The following PTPRG variants were observed in gnomAD, a reference collection of about 807,000 sequenced individuals.
PTPRG encodes receptor-type tyrosine-protein phosphatase gamma.
In PTPRG, 102 loss-of-function variants were observed where a neutral mutation model predicts 165.3. The ratio of observed to expected loss-of-function variants is 0.62; its 90% CI spans 0.53 to 0.73. The LOEUF (loss-of-function observed/expected upper bound fraction) is 0.73. PTPRG is among the 30% of genes least tolerant of loss of function. The pLI is 0.00. For missense variants in PTPRG, 1,866 were observed against 1,861.4 expected, an observed-to-expected ratio of 1.00 and a Z score of -0.05; for synonymous variants, 675 against 669.5, an observed-to-expected ratio of 1.01 and a Z score of -0.13.
intron 2 of PTPRG, among the ~76,000 whole-genome samples, chr3:61,762,670 C>G (rs1245429439): frequency 6.6e-6 from 1 of 152,094 alleles, no homozygotes; most frequent in Admixed American, 6.5e-5. Flanking sequence ...CTCCTAAATT[C>G]CCACGGAAGT....
At chr3:61,685,176 C>G (rs986148738) in intron 1 of PTPRG, among the ~76,000 whole-genome samples, 5 of 152,170 alleles carry the variant, frequency 3.3e-5, no homozygotes, top group East Asian at 1.9e-4. Context: ...TGTGCTTGCA[C>G]TTACTATGTT....
At position 62,203,734 on chromosome 3, in the gene PTPRG, G is replaced by C. The variant is rs542134871; in HGVS notation, c.1939G>C (p.Asp647His). Reference sequence around the variant, plus strand: ...TCAGACTATACCTGGGCATGAGCAGGATCACACTGCCGTCCCCACAGACCA... The same window carrying C: ...TCAGACTATACCTGGGCATGAGCAGCATCACACTGCCGTCCCCACAGACCA... The part of the protein sequence containing the change: ...GHQTIPGHEQ[D>H]HTAVPTDQTG... The change falls in exon 12 of 30, where the codon GAT becomes CAT. Residue 647 changes from aspartate to histidine, a missense_variant. By Grantham distance (81) the Asp-to-His change is moderately conservative. This residue lies in a region of PTPRG where 1,452 missense variants were observed against 1,463.0 expected (regional missense o/e 0.99). Transcript: ENST00000474889. This position sits in a 1 kb window ranked among gnomAD's most constrained non-coding sequence, Gnocchi z 6.4. The C allele has an allele frequency of 2.3e-5, 37 of 1,597,622 alleles. 2 individuals are homozygous for C. In the South Asian group the frequency reaches 3.4e-4, roughly 15 times the overall value.
At chr3:62,052,048 T>C (rs568134934) in intron 4 of PTPRG, among the ~76,000 whole-genome samples, 1 of 152,248 alleles carries the variant, frequency 6.6e-6, no homozygotes. Flanking sequence ...TAATCAGATC[T>C]GACATGGAGC....
intron 4 of PTPRG, among the ~76,000 whole-genome samples, chr3:62,037,556 A>G (rs1292473883): frequency 2.6e-5 from 4 of 152,202 alleles, no homozygotes; most frequent in Non-Finnish European, 1.5e-5. Flanking sequence ...TCTGGTCCAG[A>G]TGTTCAGGTT....
At chr3:62,116,147 C>T (rs894399645) in intron 5 of PTPRG, among the ~76,000 whole-genome samples, 1 of 152,066 alleles carries the variant, frequency 6.6e-6, no homozygotes, top group Non-Finnish European at 1.5e-5. Flanking sequence ...GAGCCCAGAA[C>T]CCAAACCTGA....
At chr3:61,863,058 G>A (rs1203288206) in intron 2 of PTPRG, among the ~76,000 whole-genome samples, 1 of 148,956 alleles carries the variant, frequency 6.7e-6, no homozygotes, top group African/African-American at 2.5e-5. Context: ...TCTGAAGAGA[G>A]ATTGATTATG....
chr3:61,673,507 G>T (rs1437903547), intron 1 of PTPRG, among the ~76,000 whole-genome samples: 1 of 151,930 alleles, frequency 6.6e-6, no homozygotes, highest in African/African-American at 2.4e-5. Context: ...AGCCAGTTTG[G>T]CATTAGGCAT....
intron 6 of PTPRG, among the ~76,000 whole-genome samples, chr3:62,135,842 A>G (rs560476660): frequency 7.2e-5 from 11 of 152,180 alleles, no homozygotes; most frequent in Non-Finnish European, 1.0e-4. Flanking sequence ...AGTCTTTGCC[A>G]AGCTGTCAGA....
chr3:61,992,045 G>A (rs2040906128), intron 3 of PTPRG, among the ~76,000 whole-genome samples: 1 of 152,150 alleles, frequency 6.6e-6, no homozygotes, highest in African/African-American at 2.4e-5. Context: ...GAAGCCATCA[G>A]TCTCAGAAAT....
At chr3:62,137,233 A>C (rs976635925) in intron 6 of PTPRG, among the ~76,000 whole-genome samples, 2 of 152,172 alleles carry the variant, frequency 1.3e-5, no homozygotes, top group Admixed American at 6.5e-5. Context: ...CATTACCAGC[A>C]CTTTTTGTAT....
rs1223947237 is a variant in PTPRG at position 61,848,770 on chromosome 3, GTATACATGTGTAAAA to G, written c.190+99791_190+99805del. Among the ~76,000 whole-genome samples the G allele has an allele frequency of 2.0e-5, 3 of 152,250 alleles. No individual in the cohort carries two copies. In the East Asian group the frequency reaches 5.8e-4, roughly 29 times the overall value. On this transcript the variant is annotated intron_variant, in intron 2 of 29. Transcript: ENST00000474889. ...AAGGAGAAGACACACCCACACACATGTATACATGTGTAAAATACCTGTACTGTGCTCCTACTATGT... is the reference window on the plus strand; with the variant it reads ...AAGGAGAAGACACACCCACACACATGTACCTGTACTGTGCTCCTACTATGT...
chr3:62,020,875 A>G (rs573824728), intron 4 of PTPRG, among the ~76,000 whole-genome samples: 1 of 146,188 alleles, frequency 6.8e-6, no homozygotes, highest in Non-Finnish European at 1.5e-5. Flanking sequence ...GGGTCTTGCT[A>G]TATTGCCCAG....
intron 5 of PTPRG, among the ~76,000 whole-genome samples, chr3:62,090,191 C>T (rs1413524654): frequency 6.6e-6 from 1 of 152,164 alleles, no homozygotes; most frequent in Non-Finnish European, 1.5e-5. Flanking sequence ...AGGGACTTCT[C>T]CATCCATATT....
intron 14 of PTPRG, among the ~76,000 whole-genome samples, chr3:62,239,407 G>A (rs942650539): frequency 2.1e-5 from 3 of 145,872 alleles, no homozygotes; most frequent in Non-Finnish European, 4.5e-5. Flanking sequence ...TGTTGCCCAG[G>A]CTAGAGTGCA....
At chr3:61,928,096 C>T (rs2039269869) in intron 2 of PTPRG, among the ~76,000 whole-genome samples, 1 of 152,156 alleles carries the variant, frequency 6.6e-6, no homozygotes, top group Non-Finnish European at 1.5e-5. Context: ...TTCTCTTCTG[C>T]TATAAGGGGT....
chr3:61,992,807 C>T (rs1333572588), intron 3 of PTPRG, among the ~76,000 whole-genome samples: 1 of 152,130 alleles, frequency 6.6e-6, no homozygotes, highest in Non-Finnish European at 1.5e-5. Context: ...CAGGCGTGAG[C>T]CACCGTGCCC....
At chr3:62,075,391 C>G (rs1701348806) in intron 4 of PTPRG, among the ~76,000 whole-genome samples, 1 of 152,120 alleles carries the variant, frequency 6.6e-6, no homozygotes, top group East Asian at 1.9e-4. Context: ...AGCAATTCAC[C>G]TAATATTAAA....
chr3:62,280,160 C>G (rs1254510951), intron 26 of PTPRG, among the ~76,000 whole-genome samples: 2 of 151,984 alleles, frequency 1.3e-5, no homozygotes, highest in African/African-American at 4.8e-5. Flanking sequence ...ATAACATTGA[C>G]AGATTTCTTT....
intron 6 of PTPRG, among the ~76,000 whole-genome samples, chr3:62,149,800 G>A (rs1158651698): frequency 1.3e-5 from 2 of 152,192 alleles, no homozygotes; most frequent in East Asian, 1.9e-4. Context: ...TTACTCAGTT[G>A]TGTCACCTCT....
Sources: allele counts gnomAD v4.1 joint callset (sites outside exome capture counted in the v4.1 genomes callset), GRCh38; gene constraint gnomAD v4.1.1; regional missense constraint gnomAD v4.1.1; non-coding constraint Gnocchi (gnomAD v3.1); transcripts MANE v1.5; gene names NCBI Gene and HGNC (gene_info 2026-07-23, HGNC 2026-07-21).